The following OCA2 variants were observed in gnomAD, a reference collection of about 807,000 sequenced individuals.
OCA2 encodes P protein.
Under a neutral mutation model 100.2 loss-of-function variants are expected in OCA2, and 77 were observed. That is an observed-to-expected ratio of 0.77 (90% confidence interval 0.64 to 0.93). The LOEUF is 0.93. OCA2 is among the 40% of genes least tolerant of loss of function. The probability of loss-of-function intolerance (pLI) is 0.00; values close to 1 mark genes in which losing one functional copy is unlikely to be tolerated. For missense variants in OCA2, 1,062 were observed against 1,089.1 expected (o/e 0.98, Z 0.35); for synonymous variants, 432 against 439.2 (o/e 0.98, Z 0.21).
the OCA2 span, among the ~76,000 whole-genome samples, chr15:27,739,886 A>G: frequency 1.3e-5 from 2 of 152,168 alleles, no homozygotes; most frequent in Non-Finnish European, 2.9e-5. Context: ...ATCTTCTCCC[A>G]AAGAGTTGGC....
chr15:27,863,305 C>T (rs1252725429), intron 21 of OCA2, among the ~76,000 whole-genome samples: 1 of 152,140 alleles, frequency 6.6e-6, no homozygotes, highest in East Asian at 1.9e-4. Flanking sequence ...TGTACAAGTG[C>T]CTCAGGTAAG....
chr15:27,887,299 T>C (rs2037263516), intron 19 of OCA2, among the ~76,000 whole-genome samples: 1 of 151,044 alleles, frequency 6.6e-6, no homozygotes. Context: ...GCAGGGAGTA[T>C]TTCATCCCTC....
intron 2 of OCA2, among the ~76,000 whole-genome samples, chr15:28,074,532 G>A (rs2044366337): frequency 6.6e-6 from 1 of 152,226 alleles, no homozygotes; most frequent in Non-Finnish European, 1.5e-5. Flanking sequence ...AAATTAGCCA[G>A]GCGTGGTGGC....
chr15:28,041,925 TGA>T lies in OCA2; in HGVS notation c.228-9764_228-9763del, dbSNP rs146398423. ...ATAGAAAGAGTGAATGTGCATGAGATGAGAGAGAGAGAGAGGCATGCGTACAC... is the reference window on the plus strand; with the variant it reads ...ATAGAAAGAGTGAATGTGCATGAGATGAGAGAGAGAGAGGCATGCGTACAC... On this transcript the variant is annotated intron_variant, in intron 2 of 23. Transcript: ENST00000354638. 9.8e-3 allele frequency among the ~76,000 whole-genome samples: 1,478 copies of T among 150,106 alleles called. 32 individuals are homozygous for T. The highest frequency in any genetic ancestry group is 0.034 in the African/African-American group (1,409 of 41,110).
chr15:28,040,008 G>C (rs1312838715), intron 2 of OCA2, among the ~76,000 whole-genome samples: 1 of 151,332 alleles, frequency 6.6e-6, no homozygotes, highest in African/African-American at 2.4e-5. Context: ...CTCCAGCCTG[G>C]GTGACAGAGA....
At chr15:28,016,012 G>A (rs1217271791) in intron 8 of OCA2, 92 bp downstream of exon 8, 10 of 953,184 alleles carry the variant, frequency 1.0e-5, no homozygotes, top group Middle Eastern at 2.9e-4. Context: ...CTGGTGCTGT[G>A]TGGGCCGAAA....
chr15:27,777,940 T>C (rs545713570), intron 23 of OCA2, among the ~76,000 whole-genome samples: 1 of 152,316 alleles, frequency 6.6e-6, no homozygotes, highest in South Asian at 2.1e-4. Context: ...AGAAAGGAAG[T>C]CTGGAATAAT....
intron 19 of OCA2, among the ~76,000 whole-genome samples, chr15:27,900,294 G>A (rs541581709): frequency 4.6e-5 from 7 of 152,124 alleles, no homozygotes; most frequent in South Asian, 2.1e-4. Flanking sequence ...CAGCTACTGC[G>A]CACATGCACC....
At chr15:27,807,885 A>G (rs1253887826) in intron 23 of OCA2, among the ~76,000 whole-genome samples, 1 of 152,236 alleles carries the variant, frequency 6.6e-6, no homozygotes, top group Admixed American at 6.5e-5. Flanking sequence ...CCTGCTGTCC[A>G]CAGGAGGCTG....
chr15:28,000,749 T>G (rs560164308), intron 9 of OCA2, among the ~76,000 whole-genome samples: 5 of 152,072 alleles, frequency 3.3e-5, no homozygotes, highest in Non-Finnish European at 5.9e-5. Context: ...TGTAAGGAAC[T>G]CATACGAATC....
At chr15:27,876,696 T>C (rs1055165616) in intron 19 of OCA2, among the ~76,000 whole-genome samples, 7 of 152,020 alleles carry the variant, frequency 4.6e-5, no homozygotes, top group African/African-American at 1.7e-4. Context: ...ACTATTCCAT[T>C]TCATGTAGGT....
At chr15:27,926,982 T>C (rs1392987528) in intron 18 of OCA2, among the ~76,000 whole-genome samples, 1 of 152,138 alleles carries the variant, frequency 6.6e-6, no homozygotes, top group East Asian at 1.9e-4. Context: ...ATATTCAGCA[T>C]AATCATGTTA....
chr15:27,796,546 A>T (rs2033345505), intron 23 of OCA2, among the ~76,000 whole-genome samples: 1 of 152,050 alleles, frequency 6.6e-6, no homozygotes, highest in East Asian at 1.9e-4. Context: ...GCAGGTGCTC[A>T]GTGTGTGCTG....
At chr15:27,893,439 C>T (rs2037549579) in intron 19 of OCA2, among the ~76,000 whole-genome samples, 4 of 152,162 alleles carry the variant, frequency 2.6e-5, no homozygotes, top group Non-Finnish European at 5.9e-5. Flanking sequence ...TAAGGTCTGA[C>T]TGCCTGTGGG....
At chr15:28,067,272 T>C (rs747921914) in intron 2 of OCA2, among the ~76,000 whole-genome samples, 23 of 152,232 alleles carry the variant, frequency 1.5e-4, no homozygotes, top group Non-Finnish European at 2.8e-4. Flanking sequence ...TTTGTTAATC[T>C]AGCTAGGAGT....
At chr15:27,920,968 T>C (rs2038835592) in intron 19 of OCA2, among the ~76,000 whole-genome samples, 1 of 151,410 alleles carries the variant, frequency 6.6e-6, no homozygotes, top group Admixed American at 6.6e-5. Flanking sequence ...ATGTCTGTAA[T>C]AGGAATCCCA....
intron 21 of OCA2, among the ~76,000 whole-genome samples, chr15:27,856,317 T>C (rs941016509): frequency 6.6e-6 from 1 of 152,134 alleles, no homozygotes; most frequent in African/African-American, 2.4e-5. Context: ...GGGGAGACAA[T>C]TCAATTCAAA....
At chr15:27,946,976 C>A (rs2140551359) in intron 18 of OCA2, among the ~76,000 whole-genome samples, 1 of 152,334 alleles carries the variant, frequency 6.6e-6, no homozygotes, top group East Asian at 1.9e-4. Context: ...CTCAGAGAGG[C>A]CAGGAGGACC....
chr15:27,914,384 A>G (rs1415011121), intron 19 of OCA2, among the ~76,000 whole-genome samples: 1 of 152,218 alleles, frequency 6.6e-6, no homozygotes, highest in Non-Finnish European at 1.5e-5. Flanking sequence ...ACAGTAAGAA[A>G]TAAAAGACAT....
Sources: allele counts gnomAD v4.1 joint callset (sites outside exome capture counted in the v4.1 genomes callset), GRCh38; gene constraint gnomAD v4.1.1; transcripts MANE v1.5; gene names NCBI Gene and HGNC (gene_info 2026-07-23, HGNC 2026-07-21).